The following MAST4 variants were observed in gnomAD, a reference collection of about 807,000 sequenced individuals.
The protein encoded by MAST4 is microtubule-associated serine/threonine-protein kinase 4.
In MAST4, 89 loss-of-function variants were observed where a neutral mutation model predicts 162.7. That is an observed-to-expected ratio of 0.55 (90% CI 0.46 to 0.65). The LOEUF is 0.65. MAST4 is among the 30% of genes least tolerant of loss of function. MAST4 has a pLI of 0.00. For synonymous variants in MAST4, 1,479 were observed against 1,361.1 expected (o/e 1.09, Z -1.91); for missense variants, 3,153 against 3,374.0 (o/e 0.93, Z 1.62).
chr5:66,934,583 T>A (rs1288438364), intron 4 of MAST4, among the ~76,000 whole-genome samples: 2 of 152,194 alleles, frequency 1.3e-5, no homozygotes, highest in Non-Finnish European at 2.9e-5. Context: ...CCTGAATTTT[T>A]TTTTTTCAGA....
At chr5:66,678,635 C>T (rs965491621) in intron 1 of MAST4, among the ~76,000 whole-genome samples, 6 of 151,510 alleles carry the variant, frequency 4.0e-5, no homozygotes, top group Admixed American at 2.0e-4. Flanking sequence ...GCTGGGACTA[C>T]CGGTGCACGC....
At chr5:66,815,923 C>T (rs1008725996) in intron 3 of MAST4, among the ~76,000 whole-genome samples, 20 of 152,066 alleles carry the variant, frequency 1.3e-4, no homozygotes, top group Admixed American at 2.6e-4. Context: ...GTTCAGGTGG[C>T]ATTAGAGAAA....
intron 4 of MAST4, among the ~76,000 whole-genome samples, chr5:66,924,449 A>C (rs918996513): frequency 1.3e-5 from 2 of 150,686 alleles, no homozygotes; most frequent in Non-Finnish European, 3.0e-5. Context: ...GCTGGAGTGC[A>C]GTGGCGCGAT....
At chr5:66,813,837 TGCAAATCTA>T (rs1756588348) in intron 3 of MAST4, among the ~76,000 whole-genome samples, 1 of 152,224 alleles carries the variant, frequency 6.6e-6, no homozygotes, top group Non-Finnish European at 1.5e-5. Flanking sequence ...GAATGTTAGA[TGCAAATCTA>T]GTAGTTTGAT....
In MAST4 at chr5:66,868,676, A is replaced by C. The variant is rs1325268890; in HGVS notation, c.643-31275A>C. Reference sequence around the variant, plus strand: ...CAGGCTCTTCCTTGTTTCTATGAAGATGTATTACTGGAATTTCTGTGTAAA... The same window carrying C: ...CAGGCTCTTCCTTGTTTCTATGAAGCTGTATTACTGGAATTTCTGTGTAAA... On this transcript the variant is annotated intron_variant, in intron 3 of 28. Coordinates refer to ENST00000403625, the MANE Select transcript of MAST4 (RefSeq NM_001164664.2). Among the ~76,000 whole-genome samples, 3 of 152,052 alleles carry C rather than the reference A, an allele frequency of 2.0e-5. No individual in the cohort carries two copies. The East Asian group carries it at 5.8e-4, about 29-fold the overall frequency.
chr5:66,819,944 T>G (rs937661826), intron 3 of MAST4, among the ~76,000 whole-genome samples: 3 of 143,760 alleles, frequency 2.1e-5, no homozygotes. Flanking sequence ...CAGCTAATTT[T>G]TGTGGGGTTT....
chr5:66,602,592 T>C (rs78070116), intron 1 of MAST4, among the ~76,000 whole-genome samples: 6,868 of 151,974 alleles, frequency 0.045, 497 homozygotes, highest in African/African-American at 0.15. Context: ...AGAATCCTCA[T>C]AGGACGTGTC....
chr5:66,820,073 G>A (rs1388464881), intron 3 of MAST4, among the ~76,000 whole-genome samples: 1 of 151,060 alleles, frequency 6.6e-6, no homozygotes, highest in Non-Finnish European at 1.5e-5. Context: ...ACCTGCCTCA[G>A]CCCCTCAAAG....
chr5:67,010,104 T>C (rs1324680709), intron 4 of MAST4, among the ~76,000 whole-genome samples: 1 of 152,192 alleles, frequency 6.6e-6, no homozygotes, highest in African/African-American at 2.4e-5. Flanking sequence ...GTTATTCACA[T>C]TTATTGAAGA....
At chr5:66,659,640 C>T (rs1252578855) in intron 1 of MAST4, among the ~76,000 whole-genome samples, 2 of 152,190 alleles carry the variant, frequency 1.3e-5, no homozygotes, top group African/African-American at 4.8e-5. Context: ...TTTATTGAAT[C>T]ATTCATTTTG....
chr5:66,847,274 G>T (rs1464923376), intron 3 of MAST4, among the ~76,000 whole-genome samples: 3 of 152,188 alleles, frequency 2.0e-5, no homozygotes, highest in Non-Finnish European at 4.4e-5. Flanking sequence ...GTGAATTTCT[G>T]TCCCATTACT....
chr5:66,744,095 ATT>A (rs1317909102), intron 1 of MAST4, among the ~76,000 whole-genome samples: 1 of 150,878 alleles, frequency 6.6e-6, no homozygotes, highest in Non-Finnish European at 1.5e-5. Flanking sequence ...TTTTCTGGTT[ATT>A]TTTTTCCCTT....
intron 6 of MAST4, among the ~76,000 whole-genome samples, chr5:67,092,779 G>C (rs1460775812): frequency 2.6e-5 from 4 of 152,138 alleles, no homozygotes; most frequent in Non-Finnish European, 5.9e-5. Context: ...GCTGAGTTCA[G>C]GTCATCAGAC....
chr5:66,689,242 A>G (rs1319892279), intron 1 of MAST4, among the ~76,000 whole-genome samples: 1 of 152,168 alleles, frequency 6.6e-6, no homozygotes, highest in Admixed American at 6.5e-5. Flanking sequence ...CAGGCTATCT[A>G]ACCTGATGTT....
chr5:66,824,714 CATT>C (rs1156281385), intron 3 of MAST4, among the ~76,000 whole-genome samples: 1 of 152,200 alleles, frequency 6.6e-6, no homozygotes, highest in African/African-American at 2.4e-5. Flanking sequence ...GTGTGAACAT[CATT>C]GAGTGTACTT....
chr5:67,155,894 T>C (rs1247360106), intron 26 of MAST4, among the ~76,000 whole-genome samples: 1 of 152,012 alleles, frequency 6.6e-6, no homozygotes, highest in African/African-American at 2.4e-5. Flanking sequence ...ACCCCATCTC[T>C]ACTAAAAGTA....
intron 3 of MAST4, among the ~76,000 whole-genome samples, chr5:66,844,754 G>T (rs779085067): frequency 4.6e-5 from 7 of 152,090 alleles, no homozygotes; most frequent in Non-Finnish European, 1.0e-4. Context: ...AAAGAGTGCT[G>T]TAAGAGTACT....
chr5:67,159,478 C>A (rs1336670884), intron 26 of MAST4, among the ~76,000 whole-genome samples: 1 of 152,194 alleles, frequency 6.6e-6, no homozygotes, highest in South Asian at 2.1e-4. Context: ...CTAACTCCCC[C>A]CAACTCCCCT....
In MAST4 at chr5:66,684,355, CTA is replaced by C. The variant is rs201018328; in HGVS notation, c.364-75352_364-75351del. ...AAATGTAGTGCTTCTTTTCTTCCAGCTATTTTTTTTTCTCTTTTCTTTTTTAT... is the reference window on the plus strand; with the variant it reads ...AAATGTAGTGCTTCTTTTCTTCCAGCTTTTTTTTTCTCTTTTCTTTTTTAT... On this transcript the variant is annotated intron_variant, in intron 1 of 28. Transcript: ENST00000403625. Among the ~76,000 whole-genome samples the C allele has an allele frequency of 2.0e-4, 9 of 45,414 alleles. No homozygotes were observed. In the African/African-American group the frequency reaches 2.4e-3, roughly 12 times the overall value. 29.8% of individuals were successfully genotyped at this position (45,414 alleles called of 152,430 possible).
Sources: gnomAD v4.1 joint callset for allele counts (sites outside exome capture counted in the v4.1 genomes callset) on GRCh38, gnomAD v4.1.1 for gene constraint, MANE v1.5 for transcripts, NCBI Gene and HGNC (gene_info 2026-07-23, HGNC 2026-07-21) for gene names.